Variants in DAGLB observed in about 807,000 individuals in gnomAD.
DAGLB encodes the protein diacylglycerol lipase beta, also known as diacylglycerol lipase-beta.
In DAGLB, 66 loss-of-function variants were observed where a neutral mutation model predicts 72.1. The observed-to-expected ratio is 0.92, with a 90% confidence interval of 0.75 to 1.12. The LOEUF (loss-of-function observed/expected upper bound fraction) is 1.12, where lower values mean the gene tolerates loss of function less well. DAGLB is among the 50% of genes most tolerant of loss of function. The probability of loss-of-function intolerance (pLI) is 0.00; values close to 1 mark genes in which losing one functional copy is unlikely to be tolerated. For synonymous variants in DAGLB, 414 were observed against 359.5 expected (o/e 1.15, Z -1.71); for missense variants, 1,065 against 884.9 (o/e 1.20, Z -2.58).
In DAGLB at chr7:6,412,846, T is replaced by G. The variant is rs1254731840; in HGVS notation, c.1534A>C (p.Ile512Leu). The G allele has an allele frequency of 6.2e-7, 1 of 1,603,638 alleles. No homozygotes were observed. The highest frequency in any genetic ancestry group is 1.7e-5 in the Admixed American group (1 of 58,656). Residue 512 changes from isoleucine to leucine, a missense_variant, in exon 13 of 15, where the codon ATC (isoleucine) becomes CTC (leucine). Ile to Leu is a conservative substitution (Grantham distance 5, BLOSUM62 2). Coordinates refer to ENST00000297056, the MANE Select transcript of DAGLB (RefSeq NM_139179.4). ...TTGCAGTGCGCGACCACTCGCAAGATTCTTCTCTTCAGATCTTCCAAGTTG... is the reference window on the plus strand; with the variant it reads ...TTGCAGTGCGCGACCACTCGCAAGAGTCTTCTCTTCAGATCTTCCAAGTTG... Reference protein sequence around the residue: ...VTNLEDLKRRILRVVAHCNKP... With the variant: ...VTNLEDLKRRLLRVVAHCNKP...
rs1327644093 is a variant in DAGLB, at chr7:6,410,351, G to A, written c.1599C>T (p.Tyr533=). 20 of 1,613,486 alleles carry A rather than the reference G, an allele frequency of 1.2e-5. No homozygotes were observed. Among genetic ancestry groups the A allele is most frequent in the Admixed American group, 8.3e-5 (5 of 59,898 alleles). The part of the protein sequence containing the change: ...KYKILLHGLW[Y]ELFGGNPNNL... ...TGTTGGGGTTTCCTCCAAACAGTTC[G>A]TACCACAAACCGTGCAGCAAGATCT... Residue 533 remains tyrosine, a synonymous_variant, in exon 14 of 15, where the codon TAC becomes TAT. Transcript: ENST00000297056.
At chr7:6,416,076 T>C (rs1251779002) in intron 11 of DAGLB, among the ~76,000 whole-genome samples, 1 of 151,966 alleles carries the variant, frequency 6.6e-6, no homozygotes, top group Admixed American at 6.6e-5. Flanking sequence ...AGGGAGGGTA[T>C]GAGAGATCCC....
intron 8 of DAGLB, chr7:6,422,041 G>A (rs1784144017): frequency 6.2e-6 from 4 of 640,324 alleles, no homozygotes; most frequent in Admixed American, 2.1e-5. Context: ...ACCATGGAGT[G>A]TGCCTAAGAC....
intron 11 of DAGLB, 88 bp from the exon 12 acceptor site, chr7:6,413,122 G>A: frequency 1.4e-6 from 2 of 1,402,666 alleles, no homozygotes; most frequent in Non-Finnish European, 2.0e-6. Flanking sequence ...ACACTGAGGG[G>A]TTAGGTTCCC....
At chr7:6,440,947 T>C (rs923934831) in intron 2 of DAGLB, among the ~76,000 whole-genome samples, 6 of 151,950 alleles carry the variant, frequency 3.9e-5, no homozygotes, top group Non-Finnish European at 5.9e-5. Context: ...CTACTGACCA[T>C]TGGTTTTTTC....
At chr7:6,422,681 C>T (rs1784170702) in intron 8 of DAGLB, 1 of 152,662 alleles carries the variant, frequency 6.6e-6, no homozygotes, top group South Asian at 2.1e-4. Flanking sequence ...GGAAGCTCAA[C>T]ATTGGGTATT....
chr7:6,417,823 G>C (rs994362325), intron 9 of DAGLB: 2 of 152,088 alleles, frequency 1.3e-5, no homozygotes, highest in African/African-American at 4.8e-5. Flanking sequence ...AGGGTGGTCA[G>C]GTTTGGCTTT....
intron 2 of DAGLB, among the ~76,000 whole-genome samples, chr7:6,439,603 A>C (rs936280845): frequency 6.6e-6 from 1 of 152,228 alleles, no homozygotes; most frequent in Admixed American, 6.5e-5. Flanking sequence ...ACAAGGAGGC[A>C]TCCCACAATC....
At chr7:6,421,322 G>A (rs1355184800) in intron 9 of DAGLB, among the ~76,000 whole-genome samples, 5 of 125,368 alleles carry the variant, frequency 4.0e-5, no homozygotes, top group African/African-American at 6.0e-5. Context: ...CAGCGCGGGA[G>A]GCGCAGGCAG....
intron 2 of DAGLB, among the ~76,000 whole-genome samples, chr7:6,442,964 G>C (rs1407655388): frequency 6.7e-6 from 1 of 149,074 alleles, no homozygotes; most frequent in Non-Finnish European, 1.5e-5. Flanking sequence ...ACGAGGTCAA[G>C]AGATGGAGAC....
chr7:6,410,880 ATT>A (rs35960882), intron 13 of DAGLB, among the ~76,000 whole-genome samples: 12,626 of 97,690 alleles, frequency 0.13, 340 homozygotes, highest in Admixed American at 0.19. Context: ...AATTTTTTGT[ATT>A]TTTTTTTTTT....
Position 6,412,816 on chromosome 7 carries a change from G to C in DAGLB, c.1564C>G (p.Pro522Ala). The change falls in exon 13 of 15, where the codon CCC becomes GCC. Residue 522 changes from proline (P) to alanine (A), a missense_variant. Coordinates refer to ENST00000297056, the MANE Select transcript of DAGLB (RefSeq NM_139179.4). The part of the protein sequence containing the change: ...ILRVVAHCNK[P>A]KYKILLHGLW... ...TCAACAAGGCACCCGCTTACCTTGG[G>C]TTTATTGCAGTGCGCGACCACTCGC... 6.3e-7 allele frequency: 1 copy of C among 1,586,040 alleles called. No homozygotes were observed. Among genetic ancestry groups the C allele is most frequent in the Non-Finnish European group, 8.6e-7 (1 of 1,163,290 alleles).
chr7:6,426,192 C>G, intron 6 of DAGLB, 78 bp from the exon 7 acceptor site: 1 of 1,589,538 alleles, frequency 6.3e-7, no homozygotes, highest in Non-Finnish European at 8.6e-7. Context: ...GCCACATGTT[C>G]CCAGAGACGC....
chr7:6,430,483 T>C lies in DAGLB; in HGVS notation c.926A>G (p.Asp309Gly), dbSNP rs761929368. 7.8e-6 allele frequency: 12 copies of C among 1,544,512 alleles called. No individual in the cohort carries two copies. The East Asian group carries it at 2.8e-4, about 36-fold the overall frequency. Reference sequence around the variant, plus strand: ...GGCTCAGACTGTGCCAACCCACCAGTCACCACCAATCCTGCACAGCCCCGT... The same window carrying C: ...GGCTCAGACTGTGCCAACCCACCAGCCACCACCAATCCTGCACAGCCCCGT... ...PLTGLCRIGG[D>G]CCRSRTTDYD... Residue 309 changes from aspartate (D) to glycine (G), a missense_variant, in exon 6 of 15, where the codon GAC becomes GGC. Physicochemically the swap from Asp to Gly is moderately conservative, Grantham distance 94. Coordinates refer to ENST00000297056, the MANE Select transcript of DAGLB (RefSeq NM_139179.4).
chr7:6,425,841 G>A (rs2272156), intron 7 of DAGLB, 147 bp downstream of exon 7: 92,003 of 1,349,212 alleles, frequency 0.068, 8,646 homozygotes, highest in East Asian at 0.52. Context: ...CCCAGAGTCT[G>A]TGGCCCCTCT....
intron 6 of DAGLB, among the ~76,000 whole-genome samples, 162 bp from the exon 7 acceptor site, chr7:6,426,276 G>T (rs183853600): frequency 6.6e-6 from 1 of 152,122 alleles, no homozygotes; most frequent in African/African-American, 2.4e-5. Flanking sequence ...TAATTTGATC[G>T]ACTGACTGAT....
intron 2 of DAGLB, 43 bp downstream of exon 2, chr7:6,445,910 G>C: frequency 1.3e-6 from 2 of 1,540,864 alleles, no homozygotes; most frequent in East Asian, 2.3e-5. Flanking sequence ...TCTCAATAAA[G>C]CTATAAAAAA....
chr7:6,416,653 G>A lies in DAGLB; in HGVS notation c.1401C>T (p.Ala467=), dbSNP rs535864959. The change falls in exon 11 of 15, where the codon GCC becomes GCT. Residue 467 remains alanine (A), a synonymous_variant. Coordinates refer to ENST00000297056, the MANE Select transcript of DAGLB (RefSeq NM_139179.4). ...RAAYPQVRCY[A]FSPPRGLWSK... is the part of the protein sequence containing the mutation. ...TCCACAGCCCCCGGGGTGGGGAGAA[G>A]GCGTAGCACCTGACCTGCGGGTAGG... 4 of 1,612,650 alleles carry A rather than the reference G, an allele frequency of 2.5e-6. No homozygotes were observed. In the South Asian group the frequency reaches 3.3e-5, roughly 13 times the overall value.
chr7:6,434,818 C>G lies in DAGLB; in HGVS notation c.622G>C (p.Asp208His). 1 of 1,614,152 alleles carries G rather than the reference C, an allele frequency of 6.2e-7. No individual in the cohort carries two copies. Among genetic ancestry groups the G allele is most frequent in the Non-Finnish European group, 8.5e-7 (1 of 1,180,038 alleles). The change falls in exon 4 of 15, where the codon GAC becomes CAC. Residue 208 changes from aspartate to histidine, a missense_variant. Coordinates refer to ENST00000297056, the MANE Select transcript of DAGLB (RefSeq NM_139179.4). ...KLLCCCIGKDDHTRVAFSSTA... is the reference protein window; with the variant it reads ...KLLCCCIGKDHHTRVAFSSTA... ...CTCGAAAAAGCAACCCGAGTATGGT[C>G]GTCTTTCCCAATGCAACAGCACAAG...
Sources: allele counts gnomAD v4.1 joint callset (sites outside exome capture counted in the v4.1 genomes callset), GRCh38; gene constraint gnomAD v4.1.1; transcripts MANE v1.5; gene names NCBI Gene and HGNC (gene_info 2026-07-23, HGNC 2026-07-21).